DLC1: variants seen among roughly 807,000 people sequenced by gnomAD.
The protein encoded by DLC1 is rho GTPase-activating protein 7.
DLC1 carries 54 observed loss-of-function variants against 140.3 expected under a neutral mutation model. That is an observed-to-expected ratio of 0.38 (90% CI 0.31 to 0.48). The LOEUF (loss-of-function observed/expected upper bound fraction) is 0.48. Among genes scored for constraint, DLC1 ranks in the 20% least tolerant of loss-of-function variants. The probability of loss-of-function intolerance (pLI) is 0.96; values close to 1 mark genes in which losing one functional copy is unlikely to be tolerated. For synonymous variants in DLC1, 986 were observed against 728.1 expected (o/e 1.35, Z -5.70); for missense variants, 2,536 against 1,907.0 (o/e 1.33, Z -6.14).
chr8:13,295,949 T>G lies in DLC1; in HGVS notation c.1348+9320A>C, dbSNP rs889151212. 1.3e-4 allele frequency among the ~76,000 whole-genome samples: 15 copies of G among 119,628 alleles called. No homozygotes were observed. In the East Asian group the frequency reaches 1.9e-3, roughly 15 times the overall value. The allele number at this position is 119,628 out of a possible 152,430, so 78.5% of individuals were successfully genotyped here. On this transcript the variant is annotated intron_variant, in intron 5 of 17. Transcript: ENST00000276297. The stretch of plus-strand genomic sequence containing the variant: ...GATCAGATAAGATTCTTTGTTTTTT[T>G]TTTTTTTTTTTTTTTTTTTTGGAGA...
At chr8:13,445,999 T>C (rs1798757610) in intron 2 of DLC1, among the ~76,000 whole-genome samples, 1 of 152,176 alleles carries the variant, frequency 6.6e-6, no homozygotes, top group Non-Finnish European at 1.5e-5. Flanking sequence ...CATACAGTTG[T>C]TGACTGAAAT....
intron 1 of DLC1, among the ~76,000 whole-genome samples, chr8:13,540,135 T>A (rs1803434577): frequency 6.6e-6 from 1 of 152,182 alleles, no homozygotes; most frequent in Non-Finnish European, 1.5e-5. Flanking sequence ...TCAGTCCTGA[T>A]GAAAGGAAAT....
intron 5 of DLC1, among the ~76,000 whole-genome samples, chr8:13,142,968 G>C (rs776913085): frequency 2.0e-5 from 3 of 150,478 alleles, no homozygotes; most frequent in African/African-American, 4.9e-5. Context: ...AGAATCACTT[G>C]AACACCAGAG....
At chr8:13,594,414 G>T (rs1354511260) in intron 1 of DLC1, among the ~76,000 whole-genome samples, 3 of 151,968 alleles carry the variant, frequency 2.0e-5, no homozygotes, top group Admixed American at 6.6e-5. Flanking sequence ...GTGAGGCAAC[G>T]TAATTCCTTG....
At chr8:13,309,894 A>G (rs1455739997) in intron 4 of DLC1, among the ~76,000 whole-genome samples, 1 of 152,196 alleles carries the variant, frequency 6.6e-6, no homozygotes, top group Admixed American at 6.5e-5. Context: ...ACTTAGGAAT[A>G]TGCTTTTTTT....
At chr8:13,527,989 A>T (rs895273675) in intron 1 of DLC1, among the ~76,000 whole-genome samples, 9 of 152,152 alleles carry the variant, frequency 5.9e-5, no homozygotes, top group Admixed American at 2.0e-4. Flanking sequence ...AGCCACATTT[A>T]TGACAAGTGA....
intron 4 of DLC1, among the ~76,000 whole-genome samples, chr8:13,346,492 CATGGTAGCTAGATTG>C (rs1181400720): frequency 8.5e-5 from 13 of 152,194 alleles, no homozygotes; most frequent in Admixed American, 6.5e-5. Context: ...CAAAAACTAC[CATGGTAGCTAGATTG>C]CCAAGTCTGT....
chr8:13,549,561 C>G (rs1462283426), intron 1 of DLC1, among the ~76,000 whole-genome samples: 1 of 152,046 alleles, frequency 6.6e-6, no homozygotes, highest in African/African-American at 2.4e-5. Context: ...TAACATAACT[C>G]ATGTATGTGA....
At chr8:13,143,844 G>GAGAGAGAGAGAGAGAGAGAGAGAC (rs1554584116) in intron 5 of DLC1, among the ~76,000 whole-genome samples, 2 of 148,168 alleles carry the variant, frequency 1.3e-5, no homozygotes, top group African/African-American at 5.3e-5. Context: ...GAGAGAGAGA[G>GAGAGAGAGAGAGAGAGAGAGAGAC]AGAGAGAGAC....
intron 5 of DLC1, among the ~76,000 whole-genome samples, chr8:13,163,624 A>T (rs946402260): frequency 6.6e-6 from 1 of 152,100 alleles, no homozygotes; most frequent in South Asian, 2.1e-4. Context: ...AAAGGTTCCT[A>T]CTACTTCCAG....
At chr8:13,147,722 G>A (rs769687605) in intron 5 of DLC1, among the ~76,000 whole-genome samples, 3 of 152,064 alleles carry the variant, frequency 2.0e-5, no homozygotes, top group Non-Finnish European at 4.4e-5. Context: ...GGGCATGGTG[G>A]CTCACGCTTG....
intron 2 of DLC1, among the ~76,000 whole-genome samples, chr8:13,490,876 T>A (rs1801202399): frequency 6.6e-6 from 1 of 151,798 alleles, no homozygotes; most frequent in African/African-American, 2.4e-5. Flanking sequence ...AAATCACTGA[T>A]TAGATCAGAG....
Position 13,474,488 on chromosome 8 carries a change from G to A in DLC1, c.1023+24561C>T, listed in dbSNP as rs530403286. 1.9e-4 allele frequency among the ~76,000 whole-genome samples: 29 copies of A among 152,306 alleles called. 1 individual carries two copies. The East Asian group carries it at 5.0e-3, about 26-fold the overall frequency. The stretch of plus-strand genomic sequence containing the variant: ...CCCTACTGGGGCACTGCCTAGTGGA[G>A]CTGTGAGAAAAGGGCCACTGTCCTC... On this transcript the variant is annotated intron_variant, in intron 2 of 17. Transcript: ENST00000276297.
At chr8:13,422,491 T>A (rs1838362565) in intron 2 of DLC1, among the ~76,000 whole-genome samples, 1 of 150,380 alleles carries the variant, frequency 6.6e-6, no homozygotes, top group Non-Finnish European at 1.5e-5. Flanking sequence ...ACTGCAGGAG[T>A]GGGGAGCTGG....
At position 13,162,782 on chromosome 8, in the gene DLC1, C is replaced by A. The variant is rs553643781; in HGVS notation, c.1349-47125G>T. Among the ~76,000 whole-genome samples the A allele has an allele frequency of 2.0e-5, 3 of 152,228 alleles. No individual in the cohort carries two copies. In the South Asian group the frequency reaches 6.2e-4, roughly 32 times the overall value. On this transcript the variant is annotated intron_variant, in intron 5 of 17. Coordinates refer to ENST00000276297, the MANE Select transcript of DLC1 (RefSeq NM_182643.3). ...CAGTGAGACCCCGTCTTTACGCCTCCCCAGCCCCCTCAAAAAAGCCCGGTG... is the reference window on the plus strand; with the variant it reads ...CAGTGAGACCCCGTCTTTACGCCTCACCAGCCCCCTCAAAAAAGCCCGGTG...
At chr8:13,261,037 C>G (rs1482906239) in intron 5 of DLC1, among the ~76,000 whole-genome samples, 1 of 152,190 alleles carries the variant, frequency 6.6e-6, no homozygotes, top group Non-Finnish European at 1.5e-5. Flanking sequence ...ACTAATGTGT[C>G]AGGCACGTTT....
chr8:13,306,062 A>G (rs757295376), intron 4 of DLC1, among the ~76,000 whole-genome samples: 1 of 152,124 alleles, frequency 6.6e-6, no homozygotes, highest in Non-Finnish European at 1.5e-5. Context: ...AATCGCATCT[A>G]GATAATCACA....
intron 4 of DLC1, among the ~76,000 whole-genome samples, chr8:13,317,397 C>T (rs1294372613): frequency 6.6e-6 from 1 of 152,106 alleles, no homozygotes; most frequent in South Asian, 2.1e-4. Context: ...GCATGGTTAA[C>T]TGAAATTTAC....
chr8:13,436,556 A>G (rs182645174), intron 2 of DLC1, among the ~76,000 whole-genome samples: 2 of 152,282 alleles, frequency 1.3e-5, no homozygotes, highest in East Asian at 3.9e-4. Flanking sequence ...ATTGGGCTTT[A>G]CCAATTTAAA....
Sources: gnomAD v4.1 joint callset for allele counts (sites outside exome capture counted in the v4.1 genomes callset) on GRCh38, gnomAD v4.1.1 for gene constraint, MANE v1.5 for transcripts, NCBI Gene and HGNC (gene_info 2026-07-23, HGNC 2026-07-21) for gene names.